The following SHOC1 variants were observed in gnomAD, a reference collection of about 807,000 sequenced individuals.
SHOC1 encodes the protein protein shortage in chiasmata 1 ortholog.
SHOC1 carries 136 observed loss-of-function variants against 179.2 expected under a neutral mutation model. The observed-to-expected ratio is 0.76, with a 90% CI of 0.66 to 0.87. SHOC1 has a LOEUF of 0.87. Ranked by LOEUF, SHOC1 falls within the 40% of genes least tolerant of loss-of-function variation. The pLI, the probability that SHOC1 is intolerant of heterozygous loss-of-function variation, is 0.00. For synonymous variants in SHOC1, 489 were observed against 586.6 expected, an observed-to-expected ratio of 0.83 and a Z score of 2.41; for missense variants, 1,538 against 1,700.8, an observed-to-expected ratio of 0.90 and a Z score of 1.68.
intron 9 of SHOC1, among the ~76,000 whole-genome samples, chr9:111,747,469 T>C (rs7025030): frequency 0.01 from 1,555 of 152,312 alleles, 30 homozygotes; most frequent in African/African-American, 0.036. Context: ...AGATGAAATA[T>C]GAAATTTTAT....
At chr9:111,693,589 T>C (rs2131315635) in intron 26 of SHOC1, among the ~76,000 whole-genome samples, 1 of 151,650 alleles carries the variant, frequency 6.6e-6, no homozygotes, top group South Asian at 2.1e-4. Context: ...GAAAAATAAA[T>C]AAATAAAATA....
At chr9:111,713,785 G>T (rs1333712843) in intron 17 of SHOC1, among the ~76,000 whole-genome samples, 1 of 152,092 alleles carries the variant, frequency 6.6e-6, no homozygotes, top group Non-Finnish European at 1.5e-5. Context: ...CTTCATTAAT[G>T]CAACCTTTAT....
At chr9:111,758,953 C>T (rs1835009140) in intron 5 of SHOC1, 105 bp from the exon 6 acceptor site, 2 of 881,916 alleles carry the variant, frequency 2.3e-6, no homozygotes, top group East Asian at 5.3e-5. Flanking sequence ...CTGGGTTTTT[C>T]AATCACATTT....
intron 18 of SHOC1, among the ~76,000 whole-genome samples, chr9:111,709,963 G>T (rs1402331343): frequency 6.6e-6 from 1 of 152,062 alleles, no homozygotes; most frequent in Non-Finnish European, 1.5e-5. Flanking sequence ...AAAGGAGAAG[G>T]TGTCCCACTG....
At chr9:111,723,757 A>C (rs757600847) in intron 14 of SHOC1, 35 bp downstream of exon 14, 1 of 1,598,696 alleles carries the variant, frequency 6.3e-7, no homozygotes, top group Admixed American at 1.7e-5. Flanking sequence ...CAAACTAAGC[A>C]AATCTGAAAT....
chr9:111,711,894 A>G (rs1832571455), intron 18 of SHOC1, among the ~76,000 whole-genome samples: 1 of 152,210 alleles, frequency 6.6e-6, no homozygotes, highest in Non-Finnish European at 1.5e-5. Context: ...GAGAAGTTAA[A>G]TGAATTGATT....
chr9:111,695,319 CA>C (rs1036730380), intron 24 of SHOC1, among the ~76,000 whole-genome samples: 1 of 151,926 alleles, frequency 6.6e-6, no homozygotes, highest in African/African-American at 2.4e-5. Flanking sequence ...ATAGCAAATA[CA>C]AAACGGTTAG....
At chr9:111,769,526 A>G (rs1835482362) in intron 5 of SHOC1, among the ~76,000 whole-genome samples, 1 of 152,010 alleles carries the variant, frequency 6.6e-6, no homozygotes, top group African/African-American at 2.4e-5. Flanking sequence ...CCCAGGCTGG[A>G]GTGCAGTGGC....
chr9:111,732,000 A>T (rs34899379), intron 12 of SHOC1, among the ~76,000 whole-genome samples: 12,072 of 147,640 alleles, frequency 0.082, 1,218 homozygotes, highest in African/African-American at 0.25. Context: ...CTGTATTTTT[A>T]AAAAAAAAAT....
At chr9:111,704,178 C>A (rs1195346774) in intron 21 of SHOC1, among the ~76,000 whole-genome samples, 186 bp from the exon 22 acceptor site, 1 of 152,118 alleles carries the variant, frequency 6.6e-6, no homozygotes, top group Admixed American at 6.6e-5. Flanking sequence ...TAAAACAAAT[C>A]AGCTGAGATG....
intron 16 of SHOC1, among the ~76,000 whole-genome samples, chr9:111,716,532 A>G (rs140215625): frequency 0.012 from 1,755 of 152,000 alleles, 39 homozygotes; most frequent in African/African-American, 0.04. Context: ...CTGGGACTAC[A>G]GGTGTGCACC....
At chr9:111,794,694 CTG>C (rs1836564808) in intron 1 of SHOC1, among the ~76,000 whole-genome samples, 1 of 152,226 alleles carries the variant, frequency 6.6e-6, no homozygotes, top group Admixed American at 6.5e-5. Context: ...ACCAGCATCT[CTG>C]AGACCTTCAC....
chr9:111,787,726 G>C (rs1462202794), intron 2 of SHOC1, among the ~76,000 whole-genome samples: 1 of 152,206 alleles, frequency 6.6e-6, no homozygotes, highest in Non-Finnish European at 1.5e-5. Context: ...AGCAGAGTTT[G>C]AGAGGATTGA....
intron 8 of SHOC1, among the ~76,000 whole-genome samples, chr9:111,753,843 C>G (rs1026547128): frequency 1.3e-5 from 2 of 151,982 alleles, no homozygotes; most frequent in Admixed American, 6.6e-5. Flanking sequence ...TCTAAAAAGC[C>G]GAACTTATAG....
intron 12 of SHOC1, among the ~76,000 whole-genome samples, chr9:111,734,182 C>G (rs1051029237): frequency 2.6e-5 from 4 of 152,126 alleles, no homozygotes; most frequent in African/African-American, 7.2e-5. Flanking sequence ...AATCTTGCAT[C>G]AAGCAAACGT....
intron 10 of SHOC1, among the ~76,000 whole-genome samples, chr9:111,745,751 G>C (rs116759223): frequency 0.012 from 1,765 of 152,226 alleles, 33 homozygotes; most frequent in African/African-American, 0.039. Context: ...TATTTGTTAG[G>C]GCAGCCCTAG....
chr9:111,774,325 G>T (rs1414881445), intron 5 of SHOC1, among the ~76,000 whole-genome samples: 2 of 152,126 alleles, frequency 1.3e-5, no homozygotes, highest in East Asian at 3.9e-4. Context: ...TCCAGACAGG[G>T]TCTCACTCTG....
rs867213619 is a variant in SHOC1, at chr9:111,693,995, G to A, written c.3316-47C>T. 13 of 1,473,662 alleles carry A rather than the reference G, an allele frequency of 8.8e-6. No individual in the cohort carries two copies. The Middle Eastern group carries it at 2.1e-3, about 239-fold the overall frequency. 91.3% of individuals were successfully genotyped at this position (1,473,662 alleles called of 1,614,324 possible). A position where few individuals can be genotyped will look rare whatever the true frequency, so the allele number is the denominator to read the frequency against. On this transcript the variant is annotated intron_variant, in intron 25 of 27. Coordinates refer to ENST00000682961, the MANE Select transcript of SHOC1 (RefSeq NM_001378211.1). ...AATCAGTCAGTAGTCTTTTGAAAGT[G>A]AGCCATTTTATTCTACAAGTAAGTA...
At chr9:111,693,770 T>C in intron 26 of SHOC1, 29 bp downstream of exon 26, 1 of 1,391,998 alleles carries the variant, frequency 7.2e-7, no homozygotes, top group African/African-American at 1.5e-5. Flanking sequence ...AATAAATTCA[T>C]ATCATAGTAC....
Sources: gnomAD v4.1 joint callset for allele counts (sites outside exome capture counted in the v4.1 genomes callset) on GRCh38, gnomAD v4.1.1 for gene constraint, MANE v1.5 for transcripts, NCBI Gene and HGNC (gene_info 2026-07-23, HGNC 2026-07-21) for gene names.